Variants in LDLRAD4 observed in about 807,000 individuals in gnomAD.
The protein encoded by LDLRAD4 is low density lipoprotein receptor class A domain containing 4, also known as low-density lipoprotein receptor class A domain-containing protein 4.
In LDLRAD4, 5 loss-of-function variants were observed where a neutral mutation model predicts 17.0. The ratio of observed to expected loss-of-function variants is 0.29; its 90% CI spans 0.15 to 0.62. The LOEUF (loss-of-function observed/expected upper bound fraction) is 0.62. Ranked by LOEUF, LDLRAD4 falls within the 20% of genes least tolerant of loss-of-function variation. The probability of loss-of-function intolerance (pLI) is 0.84; values close to 1 mark genes in which losing one functional copy is unlikely to be tolerated. For synonymous variants in LDLRAD4, 168 were observed against 171.8 expected, an observed-to-expected ratio of 0.98 and a Z score of 0.17; for missense variants, 340 against 424.7, an observed-to-expected ratio of 0.80 and a Z score of 1.75.
intron 1 of LDLRAD4, among the ~76,000 whole-genome samples, chr18:13,347,522 A>G (rs2082764155): frequency 6.6e-6 from 1 of 152,098 alleles, no homozygotes; most frequent in South Asian, 2.1e-4. Context: ...CTTCATTTCA[A>G]CTTTGGTGAA....
chr18:13,236,106 C>T (rs893352154), intron 1 of LDLRAD4, among the ~76,000 whole-genome samples: 4 of 152,026 alleles, frequency 2.6e-5, no homozygotes, highest in African/African-American at 9.7e-5. Context: ...ATTTTGGAAG[C>T]GCGGTGGAGT....
intron 3 of LDLRAD4, among the ~76,000 whole-genome samples, chr18:13,486,046 G>T (rs1312329069): frequency 1.3e-5 from 2 of 152,200 alleles, no homozygotes; most frequent in Non-Finnish European, 2.9e-5. Flanking sequence ...TGCCTCTGCT[G>T]AAGTAGCTCT....
chr18:13,591,039 T>C (rs925834337), intron 3 of LDLRAD4, among the ~76,000 whole-genome samples: 11 of 152,186 alleles, frequency 7.2e-5, no homozygotes, highest in African/African-American at 1.7e-4. Context: ...GTGTGGGTTT[T>C]AGTGGCTTTT....
intron 1 of LDLRAD4, among the ~76,000 whole-genome samples, chr18:13,309,861 G>A (rs2047129103): frequency 6.6e-6 from 1 of 152,156 alleles, no homozygotes; most frequent in African/African-American, 2.4e-5. Context: ...GACTGAAGCT[G>A]TGTGGCCTTC....
intron 1 of LDLRAD4, among the ~76,000 whole-genome samples, chr18:13,347,645 T>C (rs145033943): frequency 0.013 from 2,045 of 152,362 alleles, 30 homozygotes; most frequent in Middle Eastern, 0.034. Flanking sequence ...GAAGTTCTTC[T>C]GGATAATATC....
Position 13,283,813 on chromosome 18 carries a change from C to T in LDLRAD4, c.-383+5625C>T, listed in dbSNP as rs140077036. 7.2e-5 allele frequency among the ~76,000 whole-genome samples: 11 copies of T among 152,202 alleles called. No homozygotes were observed. The East Asian group carries it at 1.5e-3, about 21-fold the overall frequency. The stretch of plus-strand genomic sequence containing the variant: ...TTCACCCTGCTGATAAAGACATACC[C>T]GAGACTGGGAAGAAAATAGGTTTAA... On this transcript the variant is annotated intron_variant, in intron 1 of 5. Coordinates refer to ENST00000359446, the Ensembl canonical transcript of LDLRAD4.
At chr18:13,330,865 G>A (rs755774225) in intron 1 of LDLRAD4, among the ~76,000 whole-genome samples, 2 of 152,142 alleles carry the variant, frequency 1.3e-5, no homozygotes, top group Non-Finnish European at 2.9e-5. Context: ...GGCCAATGAT[G>A]TAATCAATTA....
At chr18:13,604,632 C>T (rs1344044529) in intron 3 of LDLRAD4, among the ~76,000 whole-genome samples, 2 of 152,138 alleles carry the variant, frequency 1.3e-5, no homozygotes, top group Admixed American at 6.5e-5. Context: ...GAAAGTTATT[C>T]AGCCTTCCAT....
intron 3 of LDLRAD4, chr18:13,565,083 A>G (rs962488863): frequency 1.3e-5 from 2 of 152,264 alleles, no homozygotes; most frequent in African/African-American, 4.8e-5. Context: ...TCATGCCGTC[A>G]TGATTTGAAC....
intron 3 of LDLRAD4, among the ~76,000 whole-genome samples, chr18:13,557,237 A>G (rs1601362171): frequency 6.6e-6 from 1 of 152,316 alleles, no homozygotes; most frequent in Admixed American, 6.5e-5. Flanking sequence ...GTTCAAGCTT[A>G]CAGTGAGCTA....
rs1031093702 is a variant in LDLRAD4, at chr18:13,587,220, A to G, written c.182-33897A>G. On this transcript the variant is annotated intron_variant, in intron 3 of 5. Coordinates refer to ENST00000359446, the Ensembl canonical transcript of LDLRAD4. ...GTGGACCTGAAAATTTGCATTTCTA[A>G]CAGGTTCCCAGGTGATGCTGATGCT... Among the ~76,000 whole-genome samples, 6 of 152,280 alleles carry G rather than the reference A, an allele frequency of 3.9e-5. No individual in the cohort carries two copies. The South Asian group carries it at 1.2e-3, about 32-fold the overall frequency.
At chr18:13,256,586 A>G (rs532477339) in intron 1 of LDLRAD4, among the ~76,000 whole-genome samples, 1 of 152,370 alleles carries the variant, frequency 6.6e-6, no homozygotes, top group Admixed American at 6.5e-5. Context: ...TTTAAATCCC[A>G]GGAATGCCAG....
intron 3 of LDLRAD4, among the ~76,000 whole-genome samples, chr18:13,536,942 T>G (rs1005175497): frequency 6.6e-6 from 1 of 152,236 alleles, no homozygotes; most frequent in African/African-American, 2.4e-5. Flanking sequence ...TTTTCAGATA[T>G]TAAACCAACC....
intron 4 of LDLRAD4, among the ~76,000 whole-genome samples, chr18:13,641,373 G>A (rs532902688): frequency 4.7e-4 from 71 of 152,336 alleles, no homozygotes; most frequent in African/African-American, 1.4e-3. Context: ...AGTTGGATAG[G>A]CAGAGACAAA....
chr18:13,473,971 G>C (rs980135084), intron 3 of LDLRAD4, among the ~76,000 whole-genome samples: 2 of 151,958 alleles, frequency 1.3e-5, no homozygotes, highest in African/African-American at 4.8e-5. Flanking sequence ...GGACCATGGG[G>C]GTGGTTTCTT....
intron 1 of LDLRAD4, among the ~76,000 whole-genome samples, chr18:13,283,283 T>C (rs1037700841): frequency 6.6e-6 from 1 of 152,234 alleles, no homozygotes; most frequent in African/African-American, 2.4e-5. Context: ...AAAATGGGTT[T>C]TTCTTTTCTA....
At chr18:13,285,032 C>T (rs573728180) in intron 1 of LDLRAD4, among the ~76,000 whole-genome samples, 5 of 152,240 alleles carry the variant, frequency 3.3e-5, no homozygotes, top group East Asian at 1.9e-4. Flanking sequence ...TGGTTGGGGG[C>T]GTGGGCTGCC....
intron 3 of LDLRAD4, among the ~76,000 whole-genome samples, chr18:13,566,045 G>A (rs1248656648): frequency 6.6e-6 from 1 of 152,226 alleles, no homozygotes. Flanking sequence ...TCATCTCATA[G>A]TGGGGACACA....
intron 1 of LDLRAD4, among the ~76,000 whole-genome samples, chr18:13,336,270 G>T (rs1194958181): frequency 6.6e-6 from 1 of 152,126 alleles, no homozygotes; most frequent in East Asian, 1.9e-4. Flanking sequence ...CCAGAGAGTT[G>T]TTCTTTATCT....
Sources: allele counts gnomAD v4.1 joint callset (sites outside exome capture counted in the v4.1 genomes callset), GRCh38; gene constraint gnomAD v4.1.1; transcripts MANE v1.5; gene names NCBI Gene and HGNC (gene_info 2026-07-23, HGNC 2026-07-21).